Variants in LPIN2 observed in about 807,000 individuals in gnomAD.
The protein encoded by LPIN2 is phosphatidate phosphatase LPIN2.
In LPIN2, 55 loss-of-function variants were observed where a neutral mutation model predicts 111.4. The observed-to-expected ratio is 0.49, with a 90% CI of 0.40 to 0.62. The LOEUF (loss-of-function observed/expected upper bound fraction) is 0.62. Ranked by LOEUF, LPIN2 falls within the 20% of genes least tolerant of loss-of-function variation. LPIN2 has a pLI of 0.00. For missense variants in LPIN2, 992 were observed against 1,112.1 expected, an observed-to-expected ratio of 0.89 and a Z score of 1.54; for synonymous variants, 425 against 414.0, an observed-to-expected ratio of 1.03 and a Z score of -0.32.
rs1383642994 is a variant in LPIN2, at chr18:2,996,495, T to TTTTTTTTTTTG, written c.-10+16591_-10+16592insCAAAAAAAAAA. On this transcript the variant is annotated intron_variant, in intron 1 of 19. Transcript: ENST00000677752. ...TTTTTTTTTTTTTTTTTTTTTTTTT[T>TTTTTTTTTTTG]GAGACAGAGTCTCTCTCTGTCACCC... Among the ~76,000 whole-genome samples, 31 of 104,244 alleles carry TTTTTTTTTTTG rather than the reference T, an allele frequency of 3.0e-4. 2 individuals are homozygous for TTTTTTTTTTTG. Among genetic ancestry groups the TTTTTTTTTTTG allele is most frequent in the African/African-American group, 1.2e-3 (31 of 26,546 alleles). The allele number at this position is 104,244 out of a possible 152,430, so 68.4% of individuals were successfully genotyped here.
At chr18:3,010,196 T>A (rs1447907923) in intron 1 of LPIN2, among the ~76,000 whole-genome samples, 2 of 152,144 alleles carry the variant, frequency 1.3e-5, no homozygotes, top group Admixed American at 1.3e-4. Context: ...AGTAATAGTG[T>A]GTTACTAAAA....
intron 1 of LPIN2, among the ~76,000 whole-genome samples, chr18:2,986,608 T>C (rs2078190598): frequency 6.6e-6 from 1 of 150,760 alleles, no homozygotes; most frequent in South Asian, 2.1e-4. Context: ...GTTCAAAGGT[T>C]AATGCAACAC....
chr18:2,920,501 G>A (rs1163173858), intron 19 of LPIN2, 64 bp from the exon 20 acceptor site: 4 of 1,568,404 alleles, frequency 2.6e-6, no homozygotes, highest in East Asian at 2.2e-5. Context: ...GGCACAAGAT[G>A]GGGGGCTGTG....
In LPIN2 at chr18:2,920,912, C is replaced by T. The variant is rs754826422; in HGVS notation, c.2443-31G>A. 7 of 1,452,406 alleles carry T rather than the reference C, an allele frequency of 4.8e-6. No individual in the cohort carries two copies. The African/African-American group carries it at 9.8e-5, about 20-fold the overall frequency. The allele number at this position is 1,452,406 out of a possible 1,614,324, so 90.0% of individuals were successfully genotyped here. A position where few individuals can be genotyped will look rare whatever the true frequency, so the allele number is the denominator to read the frequency against. On this transcript the variant is annotated intron_variant, in intron 18 of 19. Transcript: ENST00000677752. ...GAAGAAAATAGCAAGCGGGTGATTCCAGGGAGGAGAATTCAGGAGATACTT... is the reference window on the plus strand; with the variant it reads ...GAAGAAAATAGCAAGCGGGTGATTCTAGGGAGGAGAATTCAGGAGATACTT...
chr18:2,951,292 A>G lies in LPIN2; in HGVS notation c.353T>C (p.Ile118Thr), dbSNP rs181542503. The G allele has an allele frequency of 7.7e-5, 125 of 1,614,132 alleles. No homozygotes were observed. Among genetic ancestry groups the G allele is most frequent in the Non-Finnish European group, 9.8e-5 (116 of 1,180,012 alleles). Residue 118 changes from isoleucine (I) to threonine (T), a missense_variant, in exon 4 of 20, where the codon ATT becomes ACT. By Grantham distance (89) the Ile-to-Thr change is moderately conservative (BLOSUM62 -1). Around this residue, in one of 4 missense-constraint regions of LPIN2, gnomAD observed 709 missense variants for 753.2 expected, o/e 0.94. Coordinates refer to ENST00000677752, the MANE Select transcript of LPIN2 (RefSeq NM_001375808.2). Reference protein sequence around the residue: ...IPTEDQFFKDIDTPLVKSGGD... With the variant: ...IPTEDQFFKDTDTPLVKSGGD... Reference sequence around the variant, plus strand: ...ACCCGATTTCACCAAAGGGGTGTCAATATCTTTAAAGAACTGATCTTCAGT... The same window carrying G: ...ACCCGATTTCACCAAAGGGGTGTCAGTATCTTTAAAGAACTGATCTTCAGT...
At chr18:2,926,102 G>A (rs1192793771) in intron 13 of LPIN2, among the ~76,000 whole-genome samples, 1 of 152,214 alleles carries the variant, frequency 6.6e-6, no homozygotes, top group Non-Finnish European at 1.5e-5. Context: ...CCCAGCCTGA[G>A]TGACACAGTG....
At chr18:2,924,674 A>G (rs2077104546) in intron 14 of LPIN2, 128 bp from the exon 15 acceptor site, 2 of 922,152 alleles carry the variant, frequency 2.2e-6, no homozygotes, top group Non-Finnish European at 3.4e-6. Context: ...GGTCTTAGAC[A>G]CAGCCCACCC....
intron 1 of LPIN2, among the ~76,000 whole-genome samples, chr18:2,984,523 A>G (rs1169531715): frequency 1.3e-5 from 2 of 152,150 alleles, no homozygotes; most frequent in African/African-American, 4.8e-5. Flanking sequence ...AAGAAGCCAG[A>G]GGTCAGCAAG....
intron 18 of LPIN2, 75 bp from the exon 19 acceptor site, chr18:2,920,956 CAGA>C: frequency 1.0e-6 from 1 of 983,374 alleles, no homozygotes. Context: ...CCTTGTGAGC[CAGA>C]AGCACTGCAC....
chr18:2,955,357 TCA>T (rs1380466795), intron 2 of LPIN2, among the ~76,000 whole-genome samples: 8 of 152,032 alleles, frequency 5.3e-5, no homozygotes, highest in Non-Finnish European at 7.4e-5. Flanking sequence ...GGCAGACACG[TCA>T]CATAGTGAGA....
Position 2,929,111 on chromosome 18 carries a change from G to A in LPIN2, c.1504C>T (p.Pro502Ser). 6.2e-7 allele frequency: 1 copy of A among 1,607,588 alleles called. No homozygotes were observed. Among genetic ancestry groups the A allele is most frequent in the Non-Finnish European group, 8.5e-7 (1 of 1,174,440 alleles). Residue 502 changes from proline to serine, a missense_variant, in exon 10 of 20, where the codon CCT becomes TCT. Transcript: ENST00000677752. ...IITYHEFAENPGLIDNPNLVI... is the reference protein window; with the variant it reads ...IITYHEFAENSGLIDNPNLVI... ...AGGTTAGGATTGTCTATAAGTCCAG[G>A]GTTTTCTGCAAATTCGTGATAAGTA...
chr18:3,012,388 C>A (rs1266625293), intron 1 of LPIN2, among the ~76,000 whole-genome samples: 1 of 152,176 alleles, frequency 6.6e-6, no homozygotes, highest in Non-Finnish European at 1.5e-5. Context: ...AATGTTCAGG[C>A]GAGTGGAGAA....
intron 8 of LPIN2, among the ~76,000 whole-genome samples, chr18:2,933,828 C>T (rs915068545): frequency 3.3e-5 from 5 of 152,138 alleles, no homozygotes; most frequent in Admixed American, 6.5e-5. Context: ...GAAAATGGTG[C>T]GGGACAGTGA....
chr18:2,940,928 G>C (rs1290776384), intron 4 of LPIN2, among the ~76,000 whole-genome samples: 1 of 152,086 alleles, frequency 6.6e-6, no homozygotes, highest in Non-Finnish European at 1.5e-5. Context: ...AATAGGGGGA[G>C]GACAAAAGAG....
At chr18:3,012,133 C>T (rs571211965) in intron 1 of LPIN2, among the ~76,000 whole-genome samples, 1 of 152,280 alleles carries the variant, frequency 6.6e-6, no homozygotes, top group East Asian at 1.9e-4. Flanking sequence ...GGGTAAAGAA[C>T]TTCATTCAAC....
intron 16 of LPIN2, among the ~76,000 whole-genome samples, chr18:2,922,741 G>C (rs537053591): frequency 1.3e-5 from 2 of 152,316 alleles, no homozygotes; most frequent in South Asian, 4.1e-4. Context: ...TGTTAAGTTT[G>C]TAAGTACTGA....
At chr18:3,008,506 T>C (rs954659901) in intron 1 of LPIN2, among the ~76,000 whole-genome samples, 10 of 152,360 alleles carry the variant, frequency 6.6e-5, no homozygotes, top group East Asian at 1.9e-4. Flanking sequence ...ATTTCAGAAA[T>C]AGGTAAATGC....
At chr18:3,002,078 T>C (rs2078441992) in intron 1 of LPIN2, among the ~76,000 whole-genome samples, 1 of 152,076 alleles carries the variant, frequency 6.6e-6, no homozygotes, top group Non-Finnish European at 1.5e-5. Context: ...GTTATCTAGT[T>C]AATTCACTTG....
At chr18:2,945,619 G>A (rs1027092718) in intron 4 of LPIN2, 28 of 1,523,370 alleles carry the variant, frequency 1.8e-5, no homozygotes, top group African/African-American at 9.6e-5. Context: ...CCACTGCATC[G>A]GTTCAGCTTT....
Sources: gnomAD v4.1 joint callset for allele counts (sites outside exome capture counted in the v4.1 genomes callset) on GRCh38, gnomAD v4.1.1 for gene constraint, gnomAD v4.1.1 regional missense constraint, MANE v1.5 for transcripts, NCBI Gene and HGNC (gene_info 2026-07-23, HGNC 2026-07-21) for gene names.